The following BCL2L11 variants were observed in gnomAD, a reference collection of about 807,000 sequenced individuals.
BCL2L11 encodes bcl-2-like protein 11.
BCL2L11 carries 15 observed loss-of-function variants against 20.6 expected under a neutral mutation model. The observed-to-expected ratio is 0.73, with a 90% confidence interval of 0.49 to 1.12. The LOEUF (loss-of-function observed/expected upper bound fraction) is 1.12. BCL2L11 is among the 50% of genes most tolerant of loss of function. The probability of loss-of-function intolerance (pLI) is 0.00; values close to 1 mark genes in which losing one functional copy is unlikely to be tolerated. For synonymous variants in BCL2L11, 108 were observed against 92.8 expected (o/e 1.16, Z -0.94); for missense variants, 292 against 260.9 (o/e 1.12, Z -0.82).
At position 111,137,496 on chromosome 2, in the gene BCL2L11, C is replaced by T. The variant is rs375487230; in HGVS notation, c.395-12548C>T. ...GGGGCATCTGACCTCAGACTGCTTT[C>T]CTTCTCTGCAAGTCTCATCACACCT... On this transcript the variant is annotated intron_variant, in intron 2 of 3. Coordinates refer to ENST00000393256, the MANE Select transcript of BCL2L11 (RefSeq NM_138621.5). Among the ~76,000 whole-genome samples the T allele has an allele frequency of 4.9e-4, 74 of 152,330 alleles. No homozygotes were observed. In the South Asian group the frequency reaches 0.015, roughly 31 times the overall value.
chr2:111,142,353 G>A (rs1228163136), intron 2 of BCL2L11: 1 of 1,550,540 alleles, frequency 6.4e-7, no homozygotes, highest in South Asian at 1.2e-5. Flanking sequence ...CCCTTCATAG[G>A]GAAGTTCAGT....
chr2:111,121,998 C>A (rs1282456509), intron 1 of BCL2L11, among the ~76,000 whole-genome samples: 1 of 152,166 alleles, frequency 6.6e-6, no homozygotes. Context: ...CCCTCTGGGA[C>A]CTGTTGCCCC....
chr2:111,150,912 GTGTT>G (rs1559072793), intron 3 of BCL2L11, among the ~76,000 whole-genome samples: 1 of 123,266 alleles, frequency 8.1e-6, no homozygotes, highest in Non-Finnish European at 1.8e-5. Flanking sequence ...GTTTGTGTGT[GTGTT>G]TGTTTTTGAG....
intron 2 of BCL2L11, chr2:111,128,809 G>A (rs2150289148): frequency 4.1e-6 from 6 of 1,474,820 alleles, no homozygotes; most frequent in Non-Finnish European, 5.4e-6. Context: ...TTGTCATATG[G>A]TCATTGGTGA....
intron 1 of BCL2L11, among the ~76,000 whole-genome samples, chr2:111,122,500 C>T (rs1423476377): frequency 6.6e-6 from 1 of 152,120 alleles, no homozygotes; most frequent in Non-Finnish European, 1.5e-5. Context: ...CCGTAGGCGC[C>T]GCCCCCACCG....
chr2:111,122,889 G>T (rs1196440582), intron 1 of BCL2L11: 32 of 985,130 alleles, frequency 3.2e-5, no homozygotes, highest in Non-Finnish European at 3.7e-5. Context: ...TTGGTCCCTG[G>T]CCCGGACGCT....
At position 111,156,242 on chromosome 2, in the gene BCL2L11, G is replaced by A. The variant is rs1335299442; in HGVS notation, c.498+6095G>A. Among the ~76,000 whole-genome samples the A allele has an allele frequency of 3.9e-5, 6 of 152,200 alleles. No homozygotes were observed. The East Asian group carries it at 1.2e-3, about 29-fold the overall frequency. ...AAGAAGTTGCTTTCTGTTACTGGCT[G>A]TGAAAAGAGTCGTGGAAATCTGCAC... On this transcript the variant is annotated intron_variant, in intron 3 of 3. Transcript: ENST00000393256.
At chr2:111,140,316 C>T (rs1218896944) in intron 2 of BCL2L11, among the ~76,000 whole-genome samples, 1 of 152,082 alleles carries the variant, frequency 6.6e-6, no homozygotes, top group East Asian at 1.9e-4. Flanking sequence ...GAAACACGTT[C>T]AATATAAGGA....
intron 2 of BCL2L11, among the ~76,000 whole-genome samples, chr2:111,126,731 G>T (rs960026007): frequency 5.3e-5 from 8 of 152,268 alleles, no homozygotes; most frequent in African/African-American, 1.7e-4. Flanking sequence ...TATCCATGAA[G>T]TTCTTCAATG....
chr2:111,158,619 G>A (rs2078177124), intron 3 of BCL2L11, among the ~76,000 whole-genome samples: 3 of 152,018 alleles, frequency 2.0e-5, no homozygotes, highest in Admixed American at 2.0e-4. Flanking sequence ...ATTTACTGTT[G>A]AAATTCTGTA....
chr2:111,145,920 C>CTTTTTTT (rs58738963), intron 2 of BCL2L11: 4 of 733,748 alleles, frequency 5.5e-6, no homozygotes, highest in Non-Finnish European at 6.5e-6. Context: ...TAGTGGCTTT[C>CTTTTTTT]TTTTTTTTTT....
chr2:111,149,841 ATC>A (rs1264042004), intron 2 of BCL2L11, among the ~76,000 whole-genome samples: 2 of 152,224 alleles, frequency 1.3e-5, no homozygotes, highest in Non-Finnish European at 2.9e-5. Flanking sequence ...TTTATTCTAT[ATC>A]TCTTATTCTT....
chr2:111,147,344 TCTCACACA>T (rs1049050967), intron 2 of BCL2L11, among the ~76,000 whole-genome samples: 2 of 132,592 alleles, frequency 1.5e-5, no homozygotes, highest in South Asian at 2.6e-4. Context: ...TCTCTCTCTC[TCTCACACA>T]CACACACACA....
chr2:111,121,805 C>G (rs2071016570), intron 1 of BCL2L11, among the ~76,000 whole-genome samples: 1 of 152,252 alleles, frequency 6.6e-6, no homozygotes, highest in Admixed American at 6.5e-5. Flanking sequence ...GTCCTGCGGC[C>G]TGTGCCATCC....
intron 3 of BCL2L11, among the ~76,000 whole-genome samples, chr2:111,159,696 C>T (rs538366050): frequency 1.3e-5 from 2 of 152,290 alleles, no homozygotes; most frequent in South Asian, 4.1e-4. Context: ...TTGGTCGTCC[C>T]AAGTGTAAAT....
intron 3 of BCL2L11, among the ~76,000 whole-genome samples, chr2:111,158,492 C>T (rs1468860635): frequency 2.0e-5 from 3 of 151,986 alleles, no homozygotes; most frequent in African/African-American, 7.3e-5. Flanking sequence ...TCCCTCTGTC[C>T]TTCCTGGTCT....
chr2:111,122,683 C>T, intron 1 of BCL2L11: 1 of 982,622 alleles, frequency 1.0e-6, no homozygotes, highest in Non-Finnish European at 1.2e-6. Context: ...GCCGGGGCAG[C>T]GCGGGCCAGA....
rs760376108 is a variant in BCL2L11 at position 111,150,120 on chromosome 2, C to T, written c.471C>T (p.Asp157=). The T allele has an allele frequency of 2.6e-5, 42 of 1,613,662 alleles. No homozygotes were observed. The highest frequency in any genetic ancestry group is 1.6e-4 in the Middle Eastern group (1 of 6,080). Residue 157 remains aspartate (D), a synonymous_variant, in exon 3 of 4, where the codon GAC becomes GAT. Coordinates refer to ENST00000393256, the MANE Select transcript of BCL2L11 (RefSeq NM_138621.5). The stretch of plus-strand genomic sequence containing the variant: ...CCCAAGAGTTGCGGCGTATTGGAGA[C>T]GAGTTTAACGCTTACTATGCAAGGA... ...WIAQELRRIG[D]EFNAYYARRV...
chr2:111,159,587 C>G (rs927066501), intron 3 of BCL2L11, among the ~76,000 whole-genome samples: 48 of 152,228 alleles, frequency 3.2e-4, no homozygotes, highest in Admixed American at 1.8e-3. Flanking sequence ...GCCAGGGCCT[C>G]TATTGTTTTC....
Sources: gnomAD v4.1 joint callset for allele counts (sites outside exome capture counted in the v4.1 genomes callset) on GRCh38, gnomAD v4.1.1 for gene constraint, MANE v1.5 for transcripts, NCBI Gene and HGNC (gene_info 2026-07-23, HGNC 2026-07-21) for gene names.